The following EFCAB6 variants were observed in gnomAD, a reference collection of about 807,000 sequenced individuals.
EFCAB6 encodes EF-hand calcium binding domain 6, also known as EF-hand calcium-binding domain-containing protein 6.
A neutral mutation model predicts 169.8 loss-of-function variants in EFCAB6; 156 were observed. The observed-to-expected ratio is 0.92, with a 90% confidence interval of 0.81 to 1.05. The LOEUF (loss-of-function observed/expected upper bound fraction) is 1.05, where lower values mean the gene tolerates loss of function less well. Ranked by LOEUF, EFCAB6 falls within the 50% of genes least tolerant of loss-of-function variation. The probability of loss-of-function intolerance (pLI) is 0.00; values close to 1 mark genes in which losing one functional copy is unlikely to be tolerated. For missense variants in EFCAB6, 1,800 were observed against 1,829.1 expected, an observed-to-expected ratio of 0.98 and a Z score of 0.29; for synonymous variants, 698 against 676.4, an observed-to-expected ratio of 1.03 and a Z score of -0.50.
rs77171064 is a variant in EFCAB6 at position 43,569,385 on chromosome 22, T to C, written c.3420+6912A>G. On this transcript the variant is annotated intron_variant, in intron 26 of 31. Coordinates refer to ENST00000262726, the MANE Select transcript of EFCAB6 (RefSeq NM_022785.4). ...CAGCTGGCTTTAAGGAGGTGATCCATATTAGTGCAGATACTGGGGCAGTGC... is the reference window on the plus strand; with the variant it reads ...CAGCTGGCTTTAAGGAGGTGATCCACATTAGTGCAGATACTGGGGCAGTGC... Among the ~76,000 whole-genome samples the C allele has an allele frequency of 1.2e-4, 19 of 152,350 alleles. No homozygotes were observed. In the East Asian group the frequency reaches 3.5e-3, roughly 28 times the overall value.
Position 43,687,425 on chromosome 22 carries a change from A to T in EFCAB6, c.1142+46T>A, listed in dbSNP as rs548486440. 2.7e-6 allele frequency: 3 copies of T among 1,117,176 alleles called. No individual in the cohort carries two copies. The South Asian group carries it at 4.7e-5, about 18-fold the overall frequency. The allele number at this position is 1,117,176 out of a possible 1,614,324, so 69.2% of individuals were successfully genotyped here. On this transcript the variant is annotated intron_variant, in intron 11 of 31. Transcript: ENST00000262726. ...GATATTCTCTGATATTTTACATATT[A>T]TGATATGTGTAACTAAAATTTGTTT...
At chr22:43,683,670 G>A in intron 12 of EFCAB6, 77 bp downstream of exon 12, 2 of 1,028,914 alleles carry the variant, frequency 1.9e-6, no homozygotes, top group Non-Finnish European at 3.1e-6. Flanking sequence ...ATATGGAGTT[G>A]TTATTGGTCT....
chr22:43,735,910 T>C lies in EFCAB6; in HGVS notation c.591A>G (p.Leu197=), dbSNP rs2060121395. 6.2e-7 allele frequency: 1 copy of C among 1,614,202 alleles called. No homozygotes were observed. Among genetic ancestry groups the C allele is most frequent in the Non-Finnish European group, 8.5e-7 (1 of 1,180,028 alleles). The change falls in exon 7 of 32, where the codon CTA becomes CTG. Residue 197 remains leucine, a synonymous_variant. Coordinates refer to ENST00000262726, the MANE Select transcript of EFCAB6 (RefSeq NM_022785.4). ...NKTGLVRPQE[L]RRVLETFCMK... is the part of the protein sequence containing the mutation. ...TACAGAAGGTCTCCAGAACCCTTCT[T>C]AGCTCCTGCGGTCGAACCAGTCCAG...
At chr22:43,750,174 C>T (rs939394890) in intron 6 of EFCAB6, among the ~76,000 whole-genome samples, 14 of 151,960 alleles carry the variant, frequency 9.2e-5, no homozygotes, top group Non-Finnish European at 1.3e-4. Flanking sequence ...ATTGCAGAAT[C>T]TTTGCTGTAG....
intron 6 of EFCAB6, among the ~76,000 whole-genome samples, chr22:43,748,740 AAAC>A (rs1341680071): frequency 6.6e-6 from 1 of 152,232 alleles, no homozygotes; most frequent in African/African-American, 2.4e-5. Flanking sequence ...ACAAGCAAAC[AAAC>A]AACATTTCAG....
chr22:43,771,061 T>C (rs770057749), intron 4 of EFCAB6, among the ~76,000 whole-genome samples: 4 of 152,194 alleles, frequency 2.6e-5, no homozygotes, highest in Non-Finnish European at 5.9e-5. Context: ...CAGTGGGTTG[T>C]AGTACACAGC....
chr22:43,532,900 G>A (rs940169597), intron 30 of EFCAB6, among the ~76,000 whole-genome samples: 2 of 152,228 alleles, frequency 1.3e-5, no homozygotes, highest in African/African-American at 4.8e-5. Flanking sequence ...TAAGGTGGTC[G>A]GAATCAGCTG....
intron 6 of EFCAB6, among the ~76,000 whole-genome samples, chr22:43,749,416 G>A (rs918580220): frequency 4.6e-5 from 7 of 152,020 alleles, no homozygotes; most frequent in African/African-American, 1.2e-4. Flanking sequence ...TCTGGGTACC[G>A]GGGACCAGTT....
intron 17 of EFCAB6, among the ~76,000 whole-genome samples, chr22:43,636,990 GA>G (rs1344833189): frequency 1.3e-5 from 2 of 152,190 alleles, no homozygotes; most frequent in African/African-American, 4.8e-5. Flanking sequence ...GAGAGGAGAT[GA>G]AAATGGACAG....
chr22:43,535,591 C>T (rs1280626388), intron 29 of EFCAB6: 1 of 152,202 alleles, frequency 6.6e-6, no homozygotes, highest in Non-Finnish European at 1.5e-5. Flanking sequence ...GCCGCATTCT[C>T]CTGCCAGTTG....
At chr22:43,806,854 A>T (rs1274718226) in intron 2 of EFCAB6, among the ~76,000 whole-genome samples, 1 of 152,204 alleles carries the variant, frequency 6.6e-6, no homozygotes, top group African/African-American at 2.4e-5. Flanking sequence ...TAAGTCTTAT[A>T]GGTGTGCTTT....
chr22:43,685,283 T>G (rs1300107903), intron 11 of EFCAB6, among the ~76,000 whole-genome samples: 3 of 151,904 alleles, frequency 2.0e-5, no homozygotes, highest in Admixed American at 2.0e-4. Context: ...AGCACTGTGT[T>G]GGGCGTGCCT....
At chr22:43,547,956 T>A (rs933986643) in intron 27 of EFCAB6, among the ~76,000 whole-genome samples, 1 of 150,126 alleles carries the variant, frequency 6.7e-6, no homozygotes, top group South Asian at 2.1e-4. Flanking sequence ...ATTAGCTGGA[T>A]GTGGTGGCGG....
At chr22:43,618,459 C>CATAA (rs1025532555) in intron 20 of EFCAB6, among the ~76,000 whole-genome samples, 1 of 152,096 alleles carries the variant, frequency 6.6e-6, no homozygotes, top group Non-Finnish European at 1.5e-5. Context: ...TTCTCTCCTT[C>CATAA]TTATGACAAC....
intron 27 of EFCAB6, among the ~76,000 whole-genome samples, chr22:43,540,978 AATG>A (rs1037787551): frequency 4.4e-4 from 25 of 56,524 alleles, no homozygotes; most frequent in African/African-American, 1.5e-3. Flanking sequence ...TAGAAAAAAA[AATG>A]AATGACTCAA....
rs145337000 is a variant in EFCAB6, at chr22:43,584,444, C to T, written c.3033-3785G>A. On this transcript the variant is annotated intron_variant, in intron 24 of 31. Transcript: ENST00000262726. ...CCCAGTCTTACGTACCTCCCCACCC[C>T]CACCACCACTTTCATGGGCTTTAAC... Among the ~76,000 whole-genome samples, 400 of 152,244 alleles carry T rather than the reference C, an allele frequency of 2.6e-3. 2 individuals are homozygous for T. Among genetic ancestry groups the T allele is most frequent in the Middle Eastern group, 0.017 (5 of 294 alleles).
intron 4 of EFCAB6, among the ~76,000 whole-genome samples, chr22:43,765,737 G>A (rs937635114): frequency 1.3e-5 from 2 of 151,994 alleles, no homozygotes; most frequent in Admixed American, 1.3e-4. Context: ...TAGAAGCTGA[G>A]GCCATAGCAC....
At position 43,687,557 on chromosome 22, in the gene EFCAB6, T is replaced by G; in HGVS notation, c.1056A>C (p.Lys352Asn). Residue 352 changes from lysine (K) to asparagine (N), a missense_variant, in exon 11 of 32, where the codon AAA becomes AAC. Lys to Asn is a moderately conservative substitution (Grantham distance 94). Coordinates refer to ENST00000262726, the MANE Select transcript of EFCAB6 (RefSeq NM_022785.4). ...MKRFGLKATT[K>N]INWKQFLTSF... is the part of the protein sequence containing the mutation. ...ATGTTAGAAATTGCTTCCAATTGAT[T>G]TTAGTGGTGGCTTTAAGTCCAAATC... is the stretch of plus-strand genomic sequence containing the variant. 1.2e-6 allele frequency: 2 copies of G among 1,604,652 alleles called. No individual in the cohort carries two copies. The highest frequency in any genetic ancestry group is 1.7e-6 in the Non-Finnish European group (2 of 1,176,722).
At chr22:43,723,079 T>C (rs955405061) in intron 8 of EFCAB6, among the ~76,000 whole-genome samples, 2 of 152,172 alleles carry the variant, frequency 1.3e-5, no homozygotes, top group Admixed American at 6.5e-5. Context: ...ACTGTATACG[T>C]AGTGGAAATA....
Sources: gnomAD v4.1 joint callset for allele counts (sites outside exome capture counted in the v4.1 genomes callset) on GRCh38, gnomAD v4.1.1 for gene constraint, MANE v1.5 for transcripts, NCBI Gene and HGNC (gene_info 2026-07-23, HGNC 2026-07-21) for gene names.